Variants in EYA1 observed in about 807,000 individuals in gnomAD.
EYA1 encodes the protein EYA transcriptional coactivator and phosphatase 1.
Under a neutral mutation model 82.0 loss-of-function variants are expected in EYA1, and 16 were observed. That is an observed-to-expected ratio of 0.20 (90% confidence interval 0.13 to 0.30). The LOEUF is 0.30. EYA1 is among the 10% of genes least tolerant of loss of function. The pLI is 1.00. For synonymous variants in EYA1, 261 were observed against 264.4 expected, an observed-to-expected ratio of 0.99 and a Z score of 0.12; for missense variants, 633 against 730.7, an observed-to-expected ratio of 0.87 and a Z score of 1.54.
At chr8:71,498,511 T>G in intron 2 of EYA1, among the ~76,000 whole-genome samples, 1 of 152,020 alleles carries the variant, frequency 6.6e-6, no homozygotes, top group South Asian at 2.1e-4. Context: ...AACTGAGAAG[T>G]GGTAAATAAA....
chr8:71,202,089 A>G (rs1263596388), intron 17 of EYA1, among the ~76,000 whole-genome samples: 1 of 152,180 alleles, frequency 6.6e-6, no homozygotes, highest in Non-Finnish European at 1.5e-5. Context: ...TTTTCAGAGC[A>G]GGTTCAGTCA....
rs192546898 is a variant in EYA1, at chr8:71,437,323, G to A, written c.34-80812C>T. ...AGTAATTATTTTCATTATTTATCTT[G>A]TCTGCTGAAAAATCAATGTACTGTG... On this transcript the variant is annotated intron_variant, in intron 2 of 18. Coordinates refer to the EYA1 transcript ENST00000643681. Among the ~76,000 whole-genome samples, 526 of 151,526 alleles carry A rather than the reference G, an allele frequency of 3.5e-3. 5 individuals carry two copies. The highest frequency in any genetic ancestry group is 0.012 in the African/African-American group (512 of 41,330).
At chr8:71,300,793 T>C (rs1305078952) in intron 7 of EYA1, among the ~76,000 whole-genome samples, 1 of 152,150 alleles carries the variant, frequency 6.6e-6, no homozygotes, top group African/African-American at 2.4e-5. Flanking sequence ...TGATGTTTAA[T>C]GGCATGAGAA....
intron 9 of EYA1, among the ~76,000 whole-genome samples, chr8:71,288,780 A>G (rs1186253824): frequency 1.3e-5 from 2 of 152,228 alleles, no homozygotes; most frequent in African/African-American, 4.8e-5. Context: ...ATACTGCACA[A>G]ATATAATGCA....
intron 12 of EYA1, among the ~76,000 whole-genome samples, chr8:71,236,557 TA>T (rs1203664199): frequency 6.6e-6 from 1 of 152,134 alleles, no homozygotes; most frequent in African/African-American, 2.4e-5. Context: ...ATTGTAGTGG[TA>T]AAAAAACCAT....
At chr8:71,483,984 T>C (rs1005985887) in intron 2 of EYA1, among the ~76,000 whole-genome samples, 1 of 152,176 alleles carries the variant, frequency 6.6e-6, no homozygotes, top group Admixed American at 6.5e-5. Context: ...GCTGCGGTGT[T>C]CTTGTATTTC....
chr8:71,475,256 A>T (rs1809566541), intron 2 of EYA1, among the ~76,000 whole-genome samples: 1 of 152,242 alleles, frequency 6.6e-6, no homozygotes, highest in Admixed American at 6.5e-5. Context: ...TCAAACAGGG[A>T]TAGATAAATA....
rs377669439 is a variant in EYA1 at position 71,330,719 on chromosome 8, G to A, written c.202+3378C>T. Among the ~76,000 whole-genome samples, 29 of 152,166 alleles carry A rather than the reference G, an allele frequency of 1.9e-4. 3 individuals are homozygous for A. Among genetic ancestry groups the A allele is most frequent in the East Asian group, 1.5e-3 (8 of 5,194 alleles). On this transcript the variant is annotated intron_variant, in intron 4 of 17. Coordinates refer to ENST00000340726, the MANE Select transcript of EYA1 (RefSeq NM_000503.6). ...AACTGCCACAGGCTAATCCATTGAT[G>A]CTTGTAATTTTTTAATTTTCAATTT...
At chr8:71,503,210 G>A (rs1044844759) in intron 2 of EYA1, among the ~76,000 whole-genome samples, 2 of 152,128 alleles carry the variant, frequency 1.3e-5, no homozygotes, top group South Asian at 2.1e-4. Flanking sequence ...AAAGGGAAGC[G>A]ATCAGCTGGG....
At chr8:71,462,180 G>T (rs1808411633) in intron 2 of EYA1, among the ~76,000 whole-genome samples, 1 of 152,154 alleles carries the variant, frequency 6.6e-6, no homozygotes, top group Admixed American at 6.5e-5. Context: ...CACCGTCCAT[G>T]GTGCCCAGGC....
intron 2 of EYA1, among the ~76,000 whole-genome samples, chr8:71,457,489 C>T (rs1808029817): frequency 6.6e-6 from 1 of 152,108 alleles, no homozygotes; most frequent in Non-Finnish European, 1.5e-5. Flanking sequence ...CTTTTCACAA[C>T]AGCAAAGACT....
At chr8:71,335,648 C>A (rs1824398442) in intron 3 of EYA1, among the ~76,000 whole-genome samples, 1 of 152,128 alleles carries the variant, frequency 6.6e-6, no homozygotes, top group Non-Finnish European at 1.5e-5. Flanking sequence ...CTGTATTTCC[C>A]TTCCCTCTCC....
At chr8:71,530,865 G>T (rs1034152988) in intron 2 of EYA1, 1 of 152,112 alleles carries the variant, frequency 6.6e-6, no homozygotes, top group Non-Finnish European at 1.5e-5. Flanking sequence ...AGACACAAGA[G>T]GTACAGTTAT....
intron 2 of EYA1, among the ~76,000 whole-genome samples, chr8:71,378,212 C>G (rs545177775): frequency 6.6e-6 from 1 of 152,218 alleles, no homozygotes; most frequent in East Asian, 1.9e-4. Flanking sequence ...CCCAGTCTTC[C>G]TGCCATTAAG....
chr8:71,271,636 A>G, intron 10 of EYA1, 122 bp downstream of exon 10: 2 of 1,023,108 alleles, frequency 2.0e-6, no homozygotes, highest in Non-Finnish European at 3.1e-6. Context: ...TAATATAAAA[A>G]AGAAAGCAGT....
At chr8:71,342,273 A>G (rs1339943666) in intron 3 of EYA1, among the ~76,000 whole-genome samples, 1 of 152,196 alleles carries the variant, frequency 6.6e-6, no homozygotes, top group Non-Finnish European at 1.5e-5. Context: ...GGTCCTCCAC[A>G]GTTTGGCTCC....
At chr8:71,303,311 GAT>G (rs139995440) in intron 7 of EYA1, among the ~76,000 whole-genome samples, 4,518 of 108,152 alleles carry the variant, frequency 0.042, 534 homozygotes, top group African/African-American at 0.13. Context: ...ACGTACATTT[GAT>G]ATACACACAC....
chr8:71,520,211 T>C (rs376953902), intron 2 of EYA1, among the ~76,000 whole-genome samples: 4 of 150,236 alleles, frequency 2.7e-5, no homozygotes, highest in African/African-American at 7.3e-5. Flanking sequence ...ACCCCCTCAT[T>C]GGCCCCCCCC....
intron 12 of EYA1, among the ~76,000 whole-genome samples, chr8:71,217,877 C>T (rs1809415839): frequency 6.6e-6 from 1 of 152,158 alleles, no homozygotes; most frequent in African/African-American, 2.4e-5. Context: ...CGTTTCTGCA[C>T]CTGTTTGCAG....
Sources: gnomAD v4.1 joint callset for allele counts (sites outside exome capture counted in the v4.1 genomes callset) on GRCh38, gnomAD v4.1.1 for gene constraint, MANE v1.5 for transcripts, NCBI Gene and HGNC (gene_info 2026-07-23, HGNC 2026-07-21) for gene names.